Variants in SARAF observed in about 807,000 individuals in gnomAD.
SARAF encodes store-operated calcium entry-associated regulatory factor.
In SARAF, 23 loss-of-function variants were observed where a neutral mutation model predicts 39.7. That is an observed-to-expected ratio of 0.58 (90% confidence interval 0.42 to 0.82). The LOEUF is 0.82. SARAF is among the 40% of genes least tolerant of loss of function. The pLI is 0.00. For missense variants in SARAF, 384 were observed against 418.5 expected, an observed-to-expected ratio of 0.92 and a Z score of 0.72; for synonymous variants, 175 against 168.5, an observed-to-expected ratio of 1.04 and a Z score of -0.30.
intron 1 of SARAF, among the ~76,000 whole-genome samples, chr8:30,074,793 T>C (rs907052743): frequency 1.3e-5 from 2 of 152,198 alleles, no homozygotes; most frequent in Non-Finnish European, 1.5e-5. Flanking sequence ...GTAGCAAATA[T>C]GGCAAAATAT....
chr8:30,070,157 C>T, intron 2 of SARAF, 98 bp from the exon 3 acceptor site: 1 of 1,136,486 alleles, frequency 8.8e-7, no homozygotes, highest in South Asian at 1.6e-5. Context: ...CACCTGTAAT[C>T]TCAGCACTTT....
intron 1 of SARAF, among the ~76,000 whole-genome samples, chr8:30,075,888 C>T: frequency 6.9e-6 from 1 of 145,672 alleles, no homozygotes; most frequent in Non-Finnish European, 1.5e-5. Flanking sequence ...AGTAAATGGA[C>T]TAGTGGTAGA....
intron 1 of SARAF, among the ~76,000 whole-genome samples, chr8:30,077,302 T>C (rs569484277): frequency 8.7e-4 from 132 of 151,428 alleles, no homozygotes; most frequent in African/African-American, 3.0e-3. Context: ...CAAAAAAAAT[T>C]ATAACATTAG....
At chr8:30,080,234 T>C (rs548814453) in intron 1 of SARAF, among the ~76,000 whole-genome samples, 1 of 152,330 alleles carries the variant, frequency 6.6e-6, no homozygotes, top group East Asian at 1.9e-4. Flanking sequence ...GAACTTACTG[T>C]ACAATATTAA....
chr8:30,071,631 G>A (rs1005906810), intron 2 of SARAF, among the ~76,000 whole-genome samples: 4 of 152,014 alleles, frequency 2.6e-5, no homozygotes, highest in East Asian at 3.8e-4. Context: ...CCATTCTCCC[G>A]CCGCACACCT....
intron 1 of SARAF, among the ~76,000 whole-genome samples, chr8:30,076,619 T>A (rs888478707): frequency 2.1e-4 from 32 of 152,344 alleles, no homozygotes; most frequent in Non-Finnish European, 1.6e-4. Context: ...GGAAACTTAA[T>A]CCCCAATGCA....
At chr8:30,064,969 T>C (rs763404711) in intron 5 of SARAF, among the ~76,000 whole-genome samples, 2 of 152,188 alleles carry the variant, frequency 1.3e-5, no homozygotes, top group Non-Finnish European at 2.9e-5. Flanking sequence ...TGTTTTTGCA[T>C]GTGTATTTTA....
In SARAF at chr8:30,073,897, A is replaced by C. The variant is rs971115930; in HGVS notation, c.262T>G (p.Trp88Gly). Reference protein sequence around the residue: ...PKVIQCQNKGWDGYDVQWECK... With the variant: ...PKVIQCQNKGGDGYDVQWECK... ...ATTACCTGTACATCATACCCATCCC[A>C]GCCTTTGTTCTGACACTGTATGACT... The change falls in exon 2 of 6, where the codon TGG becomes GGG. Residue 88 changes from tryptophan (W) to glycine (G), a missense_variant. By Grantham distance (184) the Trp-to-Gly change is radical. Transcript: ENST00000256255. 1 of 1,614,056 alleles carries C rather than the reference A, an allele frequency of 6.2e-7. No individual in the cohort carries two copies. The highest frequency in any genetic ancestry group is 8.5e-7 in the Non-Finnish European group (1 of 1,180,040).
At chr8:30,065,813 TTTGA>T (rs2117419728) in intron 5 of SARAF, 171 bp downstream of exon 5, 1 of 738,640 alleles carries the variant, frequency 1.4e-6, no homozygotes, top group Non-Finnish European at 2.2e-6. Context: ...CAAATCCCTG[TTTGA>T]TTTTTAAAGA....
In SARAF at chr8:30,065,627, T is replaced by G. The variant is rs558324086; in HGVS notation, c.994+361A>C. On this transcript the variant is annotated intron_variant, in intron 5 of 5. Coordinates refer to ENST00000256255, the MANE Select transcript of SARAF (RefSeq NM_016127.6). ...ACAATCATATTTTTGAAAATTAAAG[T>G]ATACCTCAATATCTTTTTTGAATGT... 6 of 212,118 alleles carry G rather than the reference T, an allele frequency of 2.8e-5. No individual in the cohort carries two copies. The Admixed American group carries it at 3.1e-4, about 11-fold the overall frequency. 13.1% of individuals were successfully genotyped at this position (212,118 alleles called of 1,614,324 possible).
At chr8:30,063,955 G>A in intron 5 of SARAF, 42 bp from the exon 6 acceptor site, 1 of 1,503,182 alleles carries the variant, frequency 6.7e-7, no homozygotes, top group East Asian at 2.3e-5. Context: ...TTTTAAAAAT[G>A]CATTAGAATT....
intron 2 of SARAF, among the ~76,000 whole-genome samples, chr8:30,071,792 C>A (rs925375374): frequency 2.0e-5 from 3 of 151,068 alleles, no homozygotes; most frequent in Admixed American, 1.3e-4. Flanking sequence ...TACTATTTCA[C>A]TTTTTTATGG....
intron 5 of SARAF, among the ~76,000 whole-genome samples, chr8:30,064,493 A>G (rs16876400): frequency 1.4e-5 from 2 of 144,876 alleles, no homozygotes; most frequent in Non-Finnish European, 3.0e-5. Context: ...TCTTCTTTCC[A>G]CTGAGAATGA....
chr8:30,080,862 G>A lies in SARAF; in HGVS notation c.103+1985C>T, dbSNP rs182414522. Among the ~76,000 whole-genome samples the A allele has an allele frequency of 1.4e-3, 216 of 152,306 alleles. 1 individual carries two copies. Among genetic ancestry groups the A allele is most frequent in the African/African-American group, 2.7e-3 (111 of 41,564 alleles). ...CATTTAAAAAGTTCCTCAAAGTGCC[G>A]GGTGCGGTGGCTCACGCCTGTAATC... is the stretch of plus-strand genomic sequence containing the variant. On this transcript the variant is annotated intron_variant, in intron 1 of 5. Transcript: ENST00000256255.
chr8:30,064,546 TATATATATATA>T (rs1801629002), intron 5 of SARAF, among the ~76,000 whole-genome samples: 1 of 46,874 alleles, frequency 2.1e-5, no homozygotes, highest in Non-Finnish European at 4.6e-5. Context: ...TATATATATA[TATATATATATA>T]TATATTTTTT....
chr8:30,082,744 C>G, intron 1 of SARAF, 103 bp downstream of exon 1: 1 of 885,130 alleles, frequency 1.1e-6, no homozygotes, highest in South Asian at 1.8e-5. Context: ...TCCGGGCACC[C>G]AGGCTCCGGG....
chr8:30,082,613 T>TA (rs1465108053), intron 1 of SARAF: 1 of 443,138 alleles, frequency 2.3e-6, no homozygotes, highest in Non-Finnish European at 4.0e-6. Flanking sequence ...AAGGGGACCT[T>TA]AAGGATCTCC....
At chr8:30,083,132 G>T (rs937447606), upstream of SARAF, 7 of 498,574 alleles carry the variant, frequency 1.4e-5, no homozygotes, top group African/African-American at 1.2e-4. Flanking sequence ...GCTGCGGCCC[G>T]TGGGGCTCAG....
At chr8:30,070,090 A>G in intron 2 of SARAF, 31 bp from the exon 3 acceptor site, 2 of 1,492,984 alleles carry the variant, frequency 1.3e-6, no homozygotes, top group Non-Finnish European at 9.0e-7. Flanking sequence ...AGACTATTAG[A>G]AACAAACATT....
Sources: gnomAD v4.1 joint callset for allele counts (sites outside exome capture counted in the v4.1 genomes callset) on GRCh38, gnomAD v4.1.1 for gene constraint, MANE v1.5 for transcripts, NCBI Gene and HGNC (gene_info 2026-07-23, HGNC 2026-07-21) for gene names.